The following EMCN variants were observed in gnomAD, a reference collection of about 807,000 sequenced individuals.
EMCN encodes the protein endomucin, also known as MUC-14.
A neutral mutation model predicts 38.4 loss-of-function variants in EMCN; 37 were observed. The ratio of observed to expected loss-of-function variants is 0.96; its 90% CI spans 0.74 to 1.27. The LOEUF (loss-of-function observed/expected upper bound fraction) is 1.27, where lower values mean the gene tolerates loss of function less well. EMCN is among the 50% of genes most tolerant of loss of function. The pLI, the probability that EMCN is intolerant of heterozygous loss-of-function variation, is 0.00. For synonymous variants in EMCN, 95 were observed against 100.8 expected (o/e 0.94, Z 0.35); for missense variants, 318 against 302.8 (o/e 1.05, Z -0.37).
intron 5 of EMCN, among the ~76,000 whole-genome samples, chr4:100,444,031 G>A (rs1727596213): frequency 6.6e-6 from 1 of 152,194 alleles, no homozygotes; most frequent in Admixed American, 6.5e-5. Flanking sequence ...ATGAGGCCAG[G>A]TACAGCAGCA....
intron 2 of EMCN, among the ~76,000 whole-genome samples, chr4:100,478,035 A>G (rs1292229857): frequency 6.6e-6 from 1 of 152,166 alleles, no homozygotes; most frequent in Non-Finnish European, 1.5e-5. Flanking sequence ...TGACTCATCT[A>G]ACCCTTAATA....
At chr4:100,402,948 G>A (rs920887679) in intron 11 of EMCN, among the ~76,000 whole-genome samples, 1 of 152,098 alleles carries the variant, frequency 6.6e-6, no homozygotes, top group Admixed American at 6.6e-5. Context: ...AGCAACCATA[G>A]CAAGTAGAAA....
rs76126697 is a variant in EMCN at position 100,408,633 on chromosome 4, A to G, written c.*39+1649T>C. Among the ~76,000 whole-genome samples the G allele has an allele frequency of 6.6e-3, 1,004 of 152,192 alleles. 16 individuals carry two copies. The highest frequency in any genetic ancestry group is 0.023 in the African/African-American group (955 of 41,532). ...AGCCATGCTTCCCCTCAGTGCTCTGAGAGTGTGTGATCCTCTCCCACTCAA... is the reference window on the plus strand; with the variant it reads ...AGCCATGCTTCCCCTCAGTGCTCTGGGAGTGTGTGATCCTCTCCCACTCAA... On this transcript the variant is annotated intron_variant, in intron 11 of 11. Transcript: ENST00000296420.
chr4:100,508,023 A>G (rs1729527832), intron 1 of EMCN, among the ~76,000 whole-genome samples: 1 of 152,234 alleles, frequency 6.6e-6, no homozygotes, highest in Non-Finnish European at 1.5e-5. Context: ...TTGCTGCAGA[A>G]GAAGCGTATC....
intron 5 of EMCN, among the ~76,000 whole-genome samples, chr4:100,438,642 G>T (rs1426036737): frequency 6.6e-6 from 1 of 151,814 alleles, no homozygotes; most frequent in East Asian, 1.9e-4. Flanking sequence ...GACAAGAGTG[G>T]GCATCCTTAC....
At chr4:100,467,945 C>T (rs1415972713) in intron 3 of EMCN, among the ~76,000 whole-genome samples, 1 of 152,104 alleles carries the variant, frequency 6.6e-6, no homozygotes, top group Non-Finnish European at 1.5e-5. Context: ...ATAGTGCATG[C>T]ATTAGGTTTC....
chr4:100,508,701 T>C (rs1469036654), intron 1 of EMCN, among the ~76,000 whole-genome samples: 3 of 152,210 alleles, frequency 2.0e-5, no homozygotes, highest in Non-Finnish European at 4.4e-5. Flanking sequence ...ACTAATCTGA[T>C]CTAAATGGTT....
intron 8 of EMCN, among the ~76,000 whole-genome samples, chr4:100,419,216 C>A (rs1726821832): frequency 6.6e-6 from 1 of 152,076 alleles, no homozygotes; most frequent in African/African-American, 2.4e-5. Flanking sequence ...AGATAAGCTT[C>A]ATTTCTTACG....
chr4:100,501,917 ATTTG>A (rs1451808892), intron 1 of EMCN, among the ~76,000 whole-genome samples: 6 of 151,476 alleles, frequency 4.0e-5, no homozygotes, highest in Non-Finnish European at 8.8e-5. Context: ...ACATGGTGTC[ATTTG>A]TTTGGGGAAA....
chr4:100,480,145 C>G lies in EMCN; in HGVS notation c.65-106G>C, dbSNP rs1049499834. ...GGTCAGTAGAATGTGAATTTGCAACCAATTTTCCAGTTGTAATCAATTTAT... is the reference window on the plus strand; with the variant it reads ...GGTCAGTAGAATGTGAATTTGCAACGAATTTTCCAGTTGTAATCAATTTAT... On this transcript the variant is annotated intron_variant, in intron 1 of 11. Transcript: ENST00000296420. The G allele has an allele frequency of 8.5e-5, 80 of 939,728 alleles. No individual in the cohort carries two copies. The African/African-American group carries it at 1.2e-3, about 14-fold the overall frequency. 58.2% of individuals were successfully genotyped at this position (939,728 alleles called of 1,614,324 possible). A position where few individuals can be genotyped will look rare whatever the true frequency, so the allele number is the denominator to read the frequency against.
At chr4:100,512,916 A>G (rs1302080357) in intron 1 of EMCN, among the ~76,000 whole-genome samples, 1 of 152,182 alleles carries the variant, frequency 6.6e-6, no homozygotes, top group Non-Finnish European at 1.5e-5. Context: ...TAAGAAAAAA[A>G]GAATGTGAGT....
chr4:100,397,868 G>A lies in EMCN; in HGVS notation c.*545C>T, dbSNP rs184880085. 3 of 151,858 alleles carry A rather than the reference G, an allele frequency of 2.0e-5. No individual in the cohort carries two copies. The highest frequency in any genetic ancestry group is 3.4e-3 in the Middle Eastern group (1 of 294). 9.4% of individuals were successfully genotyped at this position (151,858 alleles called of 1,614,324 possible). ...AGTAGTTATTTATTAAAAGTAACAC[G>A]AAAGCAGGAATAAAATACTTATATG... On this transcript the variant is annotated 3_prime_UTR_variant, in exon 12 of 12. Coordinates refer to ENST00000296420, the MANE Select transcript of EMCN (RefSeq NM_016242.4).
chr4:100,475,118 AT>A lies in EMCN; in HGVS notation c.188-10del. 7.3e-7 allele frequency: 1 copy of A among 1,370,976 alleles called. No individual in the cohort carries two copies. The highest frequency in any genetic ancestry group is 1.0e-6 in the Non-Finnish European group (1 of 996,776). The allele number at this position is 1,370,976 out of a possible 1,614,324, so 84.9% of individuals were successfully genotyped here. On this transcript the variant is annotated splice_polypyrimidine_tract_variant and intron_variant, in intron 2 of 11. Coordinates refer to ENST00000296420, the MANE Select transcript of EMCN (RefSeq NM_016242.4). ...TTCATTGGTGATTGTTCCTAGTTTG[AT>A]AAAATAGATTAAATTATTATTAATC... is the stretch of plus-strand genomic sequence containing the variant.
At chr4:100,426,186 T>C (rs1212066478) in intron 5 of EMCN, among the ~76,000 whole-genome samples, 6 of 152,130 alleles carry the variant, frequency 3.9e-5, no homozygotes, top group Non-Finnish European at 7.4e-5. Context: ...ATTGCTATAA[T>C]AATGCTCCTC....
chr4:100,443,113 G>T (rs1001327904), intron 5 of EMCN, among the ~76,000 whole-genome samples: 2 of 152,210 alleles, frequency 1.3e-5, no homozygotes, highest in Non-Finnish European at 2.9e-5. Context: ...GCTTCCCAAA[G>T]TGTTGGGATC....
intron 5 of EMCN, among the ~76,000 whole-genome samples, chr4:100,429,054 A>T (rs867836579): frequency 1.3e-5 from 2 of 152,184 alleles, no homozygotes; most frequent in Non-Finnish European, 2.9e-5. Flanking sequence ...AGACCATAAG[A>T]TGAATGAAAT....
intron 1 of EMCN, among the ~76,000 whole-genome samples, chr4:100,490,373 A>G (rs1411871593): frequency 6.6e-6 from 1 of 152,134 alleles, no homozygotes; most frequent in East Asian, 1.9e-4. Context: ...ATTAGTATAG[A>G]AAAAAATATT....
At chr4:100,470,984 A>C (rs1728461766) in intron 3 of EMCN, among the ~76,000 whole-genome samples, 1 of 152,012 alleles carries the variant, frequency 6.6e-6, no homozygotes, top group Non-Finnish European at 1.5e-5. Flanking sequence ...AGGTGTTAAC[A>C]CATATTAACA....
At chr4:100,427,155 T>C (rs1727070427) in intron 5 of EMCN, among the ~76,000 whole-genome samples, 1 of 152,188 alleles carries the variant, frequency 6.6e-6, no homozygotes, top group Non-Finnish European at 1.5e-5. Context: ...CTTTCTCTTC[T>C]TCTTATCACG....
Sources: gnomAD v4.1 joint callset for allele counts (sites outside exome capture counted in the v4.1 genomes callset) on GRCh38, gnomAD v4.1.1 for gene constraint, MANE v1.5 for transcripts, NCBI Gene and HGNC (gene_info 2026-07-23, HGNC 2026-07-21) for gene names.